PDGFD: variants seen among roughly 807,000 people sequenced by gnomAD.
PDGFD encodes the protein platelet derived growth factor D.
PDGFD carries 30 observed loss-of-function variants against 44.7 expected under a neutral mutation model. The ratio of observed to expected loss-of-function variants is 0.67; its 90% CI spans 0.50 to 0.91. The LOEUF is 0.91. Ranked by LOEUF, PDGFD falls within the 40% of genes least tolerant of loss-of-function variation. PDGFD has a pLI of 0.00. For synonymous variants in PDGFD, 173 were observed against 168.4 expected, an observed-to-expected ratio of 1.03 and a Z score of -0.21; for missense variants, 445 against 457.8, an observed-to-expected ratio of 0.97 and a Z score of 0.25.
At chr11:104,131,851 C>T (rs896728990) in intron 1 of PDGFD, among the ~76,000 whole-genome samples, 1 of 146,746 alleles carries the variant, frequency 6.8e-6, no homozygotes, top group Admixed American at 6.8e-5. Context: ...GATCTATCTA[C>T]CTTTCGATAA....
intron 1 of PDGFD, among the ~76,000 whole-genome samples, chr11:104,061,622 G>C (rs1312231368): frequency 6.6e-6 from 1 of 152,090 alleles, no homozygotes; most frequent in Non-Finnish European, 1.5e-5. Context: ...TTTGTTTTCT[G>C]TTTCTTTGAG....
chr11:103,969,474 G>GTTTTTTTTTTTTTTT (rs66571550), intron 3 of PDGFD, among the ~76,000 whole-genome samples: 6 of 89,798 alleles, frequency 6.7e-5, no homozygotes, highest in East Asian at 8.0e-4. Context: ...ACCAAGCCTG[G>GTTTTTTTTTTTTTTT]TTTTTTTTTT....
chr11:104,004,641 A>G (rs916021993), intron 1 of PDGFD, among the ~76,000 whole-genome samples: 4 of 152,182 alleles, frequency 2.6e-5, no homozygotes, highest in African/African-American at 7.2e-5. Flanking sequence ...AAAAATAACA[A>G]TATTTCAGAT....
intron 1 of PDGFD, among the ~76,000 whole-genome samples, chr11:104,121,673 C>T (rs1861780609): frequency 6.6e-6 from 1 of 152,014 alleles, no homozygotes; most frequent in African/African-American, 2.4e-5. Context: ...TGTGTACACA[C>T]TCTCAATTTC....
intron 1 of PDGFD, among the ~76,000 whole-genome samples, chr11:104,109,825 A>G (rs904274135): frequency 3.9e-5 from 6 of 152,112 alleles, no homozygotes; most frequent in African/African-American, 1.2e-4. Flanking sequence ...CTTATTTTCA[A>G]TATAGCAGAG....
intron 5 of PDGFD, among the ~76,000 whole-genome samples, chr11:103,935,300 C>T (rs570960264): frequency 8.0e-4 from 121 of 152,044 alleles, no homozygotes; most frequent in Non-Finnish European, 1.4e-3. Context: ...GAAAGTTGTC[C>T]CACTGCTGAG....
intron 1 of PDGFD, among the ~76,000 whole-genome samples, chr11:104,141,418 G>A (rs553818279): frequency 1.0e-4 from 15 of 148,392 alleles, no homozygotes; most frequent in Non-Finnish European, 1.6e-4. Flanking sequence ...TTTTTTTAGA[G>A]TCAGGATCTT....
intron 1 of PDGFD, among the ~76,000 whole-genome samples, chr11:104,062,467 T>C (rs990185141): frequency 1.3e-5 from 2 of 152,256 alleles, no homozygotes; most frequent in African/African-American, 4.8e-5. Context: ...ATCAATCTGA[T>C]ATAAAATGGC....
At chr11:104,028,324 CA>C (rs1305268656) in intron 1 of PDGFD, among the ~76,000 whole-genome samples, 1 of 151,308 alleles carries the variant, frequency 6.6e-6, no homozygotes, top group African/African-American at 2.4e-5. Flanking sequence ...AACACTAATA[CA>C]GAGAAGGTAC....
At chr11:104,022,372 T>C (rs949665667) in intron 1 of PDGFD, among the ~76,000 whole-genome samples, 1 of 152,140 alleles carries the variant, frequency 6.6e-6, no homozygotes, top group African/African-American at 2.4e-5. Context: ...AAGAGACAAC[T>C]GCATTAATTT....
At chr11:104,109,706 A>G (rs932704225) in intron 1 of PDGFD, among the ~76,000 whole-genome samples, 1 of 152,214 alleles carries the variant, frequency 6.6e-6, no homozygotes, top group African/African-American at 2.4e-5. Context: ...ATTAGCTAAT[A>G]ATTAAAATTA....
rs1396444886 is a variant in PDGFD, at chr11:104,100,814, C to T, written c.124+62990G>A. Among the ~76,000 whole-genome samples, 9 of 152,102 alleles carry T rather than the reference C, an allele frequency of 5.9e-5. No homozygotes were observed. The East Asian group carries it at 1.7e-3, about 29-fold the overall frequency. ...GTTCAACATAACGCAAATCAATAAA[C>T]ATTACCCAGCATATAAACACAACCA... On this transcript the variant is annotated intron_variant, in intron 1 of 6. Coordinates refer to ENST00000393158, the MANE Select transcript of PDGFD (RefSeq NM_025208.5).
chr11:104,065,255 C>T (rs1396513788), intron 1 of PDGFD, among the ~76,000 whole-genome samples: 2 of 152,210 alleles, frequency 1.3e-5, no homozygotes, highest in South Asian at 4.2e-4. Context: ...TTAATAAATG[C>T]CCCTTTATAT....
intron 2 of PDGFD, among the ~76,000 whole-genome samples, chr11:103,997,715 T>C (rs537317500): frequency 6.6e-6 from 1 of 152,208 alleles, no homozygotes; most frequent in African/African-American, 2.4e-5. Context: ...ATACAATACA[T>C]GTAAATCATA....
At chr11:104,037,869 G>A (rs770507589) in intron 1 of PDGFD, 3 of 1,614,046 alleles carry the variant, frequency 1.9e-6, no homozygotes, top group Non-Finnish European at 2.5e-6. Flanking sequence ...AAAATGTGCT[G>A]GTCATCGGCA....
chr11:104,052,096 T>C (rs902402848), intron 1 of PDGFD, among the ~76,000 whole-genome samples: 2 of 152,212 alleles, frequency 1.3e-5, no homozygotes, highest in East Asian at 1.9e-4. Context: ...GGTATTTTAT[T>C]TAAGCCGAGC....
intron 3 of PDGFD, among the ~76,000 whole-genome samples, chr11:103,956,308 C>A (rs1006573637): frequency 6.6e-6 from 1 of 150,932 alleles, no homozygotes; most frequent in Non-Finnish European, 1.5e-5. Context: ...TGAGAACAGG[C>A]GGTGTTTGGT....
intron 1 of PDGFD, among the ~76,000 whole-genome samples, chr11:104,007,423 G>A (rs1274013909): frequency 1.3e-5 from 2 of 152,132 alleles, no homozygotes; most frequent in Admixed American, 6.5e-5. Flanking sequence ...TATGAATAAT[G>A]GTAATGTTTT....
At chr11:104,004,558 G>A (rs1028454827) in intron 1 of PDGFD, among the ~76,000 whole-genome samples, 7 of 152,192 alleles carry the variant, frequency 4.6e-5, no homozygotes, top group African/African-American at 1.7e-4. Flanking sequence ...TTAATACTGA[G>A]GGATGACTAT....
Sources: gnomAD v4.1 joint callset for allele counts (sites outside exome capture counted in the v4.1 genomes callset) on GRCh38, gnomAD v4.1.1 for gene constraint, MANE v1.5 for transcripts, NCBI Gene and HGNC (gene_info 2026-07-23, HGNC 2026-07-21) for gene names.